Variants in KIAA1191 observed in about 807,000 individuals in gnomAD.
The protein encoded by KIAA1191 is putative monooxygenase p33MONOX.
KIAA1191 carries 22 observed loss-of-function variants against 31.1 expected under a neutral mutation model. The observed-to-expected ratio is 0.71, with a 90% CI of 0.51 to 1.01. The LOEUF is 1.01. Ranked by LOEUF, KIAA1191 falls within the 50% of genes least tolerant of loss-of-function variation. The probability of loss-of-function intolerance (pLI) is 0.00; values close to 1 mark genes in which losing one functional copy is unlikely to be tolerated. For synonymous variants in KIAA1191, 130 were observed against 143.9 expected, an observed-to-expected ratio of 0.90 and a Z score of 0.69; for missense variants, 319 against 388.0, an observed-to-expected ratio of 0.82 and a Z score of 1.49.
At position 176,349,407 on chromosome 5, in the gene KIAA1191, C is replaced by T. The variant is rs112377594; in HGVS notation, c.460-1051G>A. ...TACAAAATGCAAACAGGGCCGGGTG[C>T]GGTGGCTCATACATGTAATCCCAGC... is the stretch of plus-strand genomic sequence containing the variant. On this transcript the variant is annotated intron_variant, in intron 6 of 8. Transcript: ENST00000298569. 1.3e-3 allele frequency among the ~76,000 whole-genome samples: 195 copies of T among 152,264 alleles called. 1 individual carries two copies. The highest frequency in any genetic ancestry group is 4.5e-3 in the African/African-American group (188 of 41,548).
intron 1 of KIAA1191, among the ~76,000 whole-genome samples, chr5:176,360,999 C>T (rs6891126): frequency 0.08 from 12,132 of 152,066 alleles, 527 homozygotes; most frequent in Middle Eastern, 0.12. Context: ...CAGCTTGCTA[C>T]ACCGTCCCTC....
rs747959265 is a variant in KIAA1191, at chr5:176,347,827, G to A, written c.710-19C>T. ...AAACTTCCTACAAAAGTGAACCAGA[G>A]TGCAAATGATTTCAAAACCAGTAAA... On this transcript the variant is annotated intron_variant, in intron 8 of 8. Coordinates refer to ENST00000298569, the MANE Select transcript of KIAA1191 (RefSeq NM_020444.5). The A allele has an allele frequency of 6.9e-6, 11 of 1,603,076 alleles. No individual in the cohort carries two copies. Among genetic ancestry groups the A allele is most frequent in the Non-Finnish European group, 9.4e-6 (11 of 1,174,290 alleles).
upstream of KIAA1191, chr5:176,361,795 G>C (rs1194159753): frequency 3.3e-5 from 5 of 152,358 alleles, no homozygotes; most frequent in African/African-American, 1.2e-4. This position sits in a 1 kb window ranked among gnomAD's most constrained non-coding sequence, Gnocchi z 4.0. Flanking sequence ...TGCAGATAAA[G>C]CCTCCGGAGA....
Position 176,348,230 on chromosome 5 carries a change from G to C in KIAA1191, c.566+20C>G. On this transcript the variant is annotated intron_variant, in intron 7 of 8. Coordinates refer to ENST00000298569, the MANE Select transcript of KIAA1191 (RefSeq NM_020444.5). ...TCCTGAAGCACGCAGGAACTCGGAAGGGTCACAGGAAGGGCTCACCTGGGC... is the reference window on the plus strand; with the variant it reads ...TCCTGAAGCACGCAGGAACTCGGAACGGTCACAGGAAGGGCTCACCTGGGC... 1.2e-6 allele frequency: 2 copies of C among 1,610,530 alleles called. No individual in the cohort carries two copies. The highest frequency in any genetic ancestry group is 8.5e-7 in the Non-Finnish European group (1 of 1,177,578).
rs568121187 is a variant in KIAA1191 at position 176,357,794 on chromosome 5, G to A, written c.28+1687C>T. Among the ~76,000 whole-genome samples, 53 of 152,186 alleles carry A rather than the reference G, an allele frequency of 3.5e-4. 1 individual carries two copies. The highest frequency in any genetic ancestry group is 1.2e-3 in the African/African-American group (50 of 41,518). On this transcript the variant is annotated intron_variant, in intron 3 of 8. Coordinates refer to ENST00000298569, the MANE Select transcript of KIAA1191 (RefSeq NM_020444.5). ...GAGATGGATCTATATTGGGGAATACGGGAGACTTGGGGAGCAATTTCAAAA... is the reference window on the plus strand; with the variant it reads ...GAGATGGATCTATATTGGGGAATACAGGAGACTTGGGGAGCAATTTCAAAA...
chr5:176,353,345 A>C (rs1441329925), intron 4 of KIAA1191: 2 of 152,254 alleles, frequency 1.3e-5, no homozygotes, highest in African/African-American at 4.8e-5. Flanking sequence ...AACAAAAAAA[A>C]TCTACTTAGC....
chr5:176,346,940 G>A lies in KIAA1191; in HGVS notation c.*660C>T, dbSNP rs1032806733. 1.3e-5 allele frequency: 2 copies of A among 152,198 alleles called. No individual in the cohort carries two copies. Among genetic ancestry groups the A allele is most frequent in the Non-Finnish European group, 2.9e-5 (2 of 68,044 alleles). 9.4% of individuals were successfully genotyped at this position (152,198 alleles called of 1,614,324 possible). On this transcript the variant is annotated 3_prime_UTR_variant, in exon 9 of 9. Transcript: ENST00000298569. ...TTTGTCAATGCTCACATGGATAGTG[G>A]TAAAGGAATAAAGAAGCCTGGGTTT...
Position 176,347,499 on chromosome 5 carries a change from CTGAT to C in KIAA1191, c.*97_*100del. On this transcript the variant is annotated 3_prime_UTR_variant, in exon 9 of 9. Coordinates refer to ENST00000298569, the MANE Select transcript of KIAA1191 (RefSeq NM_020444.5). ...TACAGGCGTGAGCCACCACGCCCAG[CTGAT>C]TAAGTTTTTAAATATACCTTTCCTA... The C allele has an allele frequency of 1.0e-6, 1 of 994,300 alleles. No individual in the cohort carries two copies. Among genetic ancestry groups the C allele is most frequent in the Non-Finnish European group, 1.4e-6 (1 of 712,408 alleles). The allele number at this position is 994,300 out of a possible 1,614,324, so 61.6% of individuals were successfully genotyped here. A position where few individuals can be genotyped will look rare whatever the true frequency, so the allele number is the denominator to read the frequency against.
intron 5 of KIAA1191, among the ~76,000 whole-genome samples, chr5:176,351,459 A>T (rs972892207): frequency 6.6e-6 from 1 of 152,128 alleles, no homozygotes; most frequent in East Asian, 1.9e-4. Flanking sequence ...ACAGATGTGA[A>T]TAAGAAAATC....
chr5:176,354,432 CA>C (rs1561756090), intron 4 of KIAA1191: 1 of 152,168 alleles, frequency 6.6e-6, no homozygotes, highest in Non-Finnish European at 1.5e-5. Context: ...CTACTTTATT[CA>C]GGCAACAGTC....
chr5:176,352,588 A>G (rs1416926819), intron 5 of KIAA1191, 34 bp downstream of exon 5: 3 of 1,607,852 alleles, frequency 1.9e-6, no homozygotes, highest in Admixed American at 1.7e-5. Context: ...CCCTGCCCCT[A>G]TGGCACTCTA....
At chr5:176,357,769 G>C (rs1173001928) in intron 3 of KIAA1191, among the ~76,000 whole-genome samples, 1 of 152,150 alleles carries the variant, frequency 6.6e-6, no homozygotes, top group East Asian at 1.9e-4. Flanking sequence ...GTTAAGACTA[G>C]AGATGGATCT....
In KIAA1191 at chr5:176,346,477, C is replaced by A. The variant is rs371646094; in HGVS notation, c.*1123G>T. 6.6e-6 allele frequency: 1 copy of A among 152,238 alleles called. No homozygotes were observed. The highest frequency in any genetic ancestry group is 1.5e-5 in the Non-Finnish European group (1 of 68,034). The allele number at this position is 152,238 out of a possible 1,614,324, so 9.4% of individuals were successfully genotyped here. On this transcript the variant is annotated 3_prime_UTR_variant, in exon 9 of 9. Transcript: ENST00000298569. ...CATGAACCTCAAGACTATAATCTAA[C>A]GGTATCTACCATCTCCTTTACTTTA...
Position 176,348,247 on chromosome 5 carries a change from C to G in KIAA1191, c.566+3G>C. ...ACTCGGAAGGGTCACAGGAAGGGCT[C>G]ACCTGGGCCTCTGCTTAGGTGAAGA... is the stretch of plus-strand genomic sequence containing the variant. On this transcript the variant is annotated splice_donor_region_variant and intron_variant, in intron 7 of 8. Coordinates refer to ENST00000298569, the MANE Select transcript of KIAA1191 (RefSeq NM_020444.5). 1 of 1,613,354 alleles carries G rather than the reference C, an allele frequency of 6.2e-7. No homozygotes were observed. Among genetic ancestry groups the G allele is most frequent in the Non-Finnish European group, 8.5e-7 (1 of 1,179,612 alleles).
rs150912338 is a variant in KIAA1191, at chr5:176,354,854, T to C, written c.207+717A>G. On this transcript the variant is annotated intron_variant, in intron 4 of 8. Coordinates refer to ENST00000298569, the MANE Select transcript of KIAA1191 (RefSeq NM_020444.5). ...CGGGGACCATGGTACCGTGGGGAGC[T>C]CAGAGGGAGAGGTGATGGCCTTATC... is the stretch of plus-strand genomic sequence containing the variant. Among the ~76,000 whole-genome samples, 561 of 151,874 alleles carry C rather than the reference T, an allele frequency of 3.7e-3. 3 individuals carry two copies. The highest frequency in any genetic ancestry group is 0.013 in the African/African-American group (533 of 41,408).
intron 5 of KIAA1191, among the ~76,000 whole-genome samples, chr5:176,352,032 A>T (rs1232517923): frequency 6.6e-6 from 1 of 152,100 alleles, no homozygotes; most frequent in Non-Finnish European, 1.5e-5. Flanking sequence ...TTAGCTTGTT[A>T]TAAGGTTAAA....
intron 6 of KIAA1191, among the ~76,000 whole-genome samples, chr5:176,349,932 T>C (rs1405518780): frequency 6.6e-6 from 1 of 152,144 alleles, no homozygotes; most frequent in African/African-American, 2.4e-5. Context: ...TATGAGCCCC[T>C]TCAGGAGCCA....
At chr5:176,357,523 A>G (rs1767615868) in intron 3 of KIAA1191, among the ~76,000 whole-genome samples, 1 of 152,172 alleles carries the variant, frequency 6.6e-6, no homozygotes, top group Non-Finnish European at 1.5e-5. Context: ...CTCATGAAGC[A>G]GATATTCTTC....
intron 3 of KIAA1191, among the ~76,000 whole-genome samples, chr5:176,358,645 C>G (rs926015527): frequency 6.6e-6 from 1 of 151,836 alleles, no homozygotes; most frequent in Non-Finnish European, 1.5e-5. Flanking sequence ...GCCCAGGAGG[C>G]GGAGGTTGCA....
Sources: gnomAD v4.1 joint callset for allele counts (sites outside exome capture counted in the v4.1 genomes callset) on GRCh38, gnomAD v4.1.1 for gene constraint, Gnocchi (gnomAD v3.1) non-coding constraint, MANE v1.5 for transcripts, NCBI Gene and HGNC (gene_info 2026-07-23, HGNC 2026-07-21) for gene names.